Variants in PIEZO2 observed in about 807,000 individuals in gnomAD.
The protein encoded by PIEZO2 is piezo type mechanosensitive ion channel component 2, also known as piezo-type mechanosensitive ion channel component 2.
PIEZO2 carries 172 observed loss-of-function variants against 337.3 expected under a neutral mutation model. The observed-to-expected ratio is 0.51, with a 90% CI of 0.45 to 0.58. PIEZO2 has a LOEUF of 0.58. Ranked by LOEUF, PIEZO2 falls within the 20% of genes least tolerant of loss-of-function variation. The pLI, the probability that PIEZO2 is intolerant of heterozygous loss-of-function variation, is 0.00. For missense variants in PIEZO2, 3,028 were observed against 3,391.3 expected (o/e 0.89, Z 2.66); for synonymous variants, 1,251 against 1,228.5 (o/e 1.02, Z -0.38).
chr18:10,761,624 A>G (rs138806324), intron 23 of PIEZO2, among the ~76,000 whole-genome samples: 1 of 152,220 alleles, frequency 6.6e-6, no homozygotes, highest in African/African-American at 2.4e-5. Context: ...AGATAATGAA[A>G]ATAGTTAACA....
chr18:11,142,565 A>G (rs553316440), intron 1 of PIEZO2, among the ~76,000 whole-genome samples: 30 of 152,014 alleles, frequency 2.0e-4, no homozygotes, highest in African/African-American at 6.8e-4. Context: ...GGATCACTTG[A>G]AGTCAGGAGT....
chr18:10,937,520 C>A (rs545577520), intron 3 of PIEZO2, among the ~76,000 whole-genome samples: 77 of 152,200 alleles, frequency 5.1e-4, no homozygotes, highest in African/African-American at 1.8e-3. Context: ...ATGTTATTTC[C>A]CCTCCGTACA....
chr18:11,022,176 G>A (rs779254011), intron 2 of PIEZO2, among the ~76,000 whole-genome samples: 9 of 152,178 alleles, frequency 5.9e-5, no homozygotes, highest in Non-Finnish European at 1.2e-4. Flanking sequence ...CCTAGAGGCT[G>A]CACCTTCTCA....
intron 1 of PIEZO2, among the ~76,000 whole-genome samples, chr18:11,119,095 A>G (rs1242104849): frequency 6.6e-6 from 1 of 152,142 alleles, no homozygotes; most frequent in African/African-American, 2.4e-5. Context: ...TAAAAAGATA[A>G]TAAGAATAGT....
chr18:10,760,418 C>T (rs1194649685), intron 24 of PIEZO2, among the ~76,000 whole-genome samples: 1 of 152,206 alleles, frequency 6.6e-6, no homozygotes, highest in Non-Finnish European at 1.5e-5. Context: ...AATTCTCCTG[C>T]CTCAGCCTCT....
chr18:11,049,822 C>G (rs1205318579), intron 2 of PIEZO2, among the ~76,000 whole-genome samples: 1 of 152,154 alleles, frequency 6.6e-6, no homozygotes, highest in African/African-American at 2.4e-5. Context: ...ACTGTGAGTC[C>G]ATTAAACCTC....
chr18:10,732,293 G>A (rs1198100817), intron 35 of PIEZO2, among the ~76,000 whole-genome samples: 1 of 152,208 alleles, frequency 6.6e-6, no homozygotes, highest in Non-Finnish European at 1.5e-5. Context: ...AAGCCAAGCA[G>A]GCATGCCTCT....
intron 3 of PIEZO2, among the ~76,000 whole-genome samples, chr18:10,965,126 G>A (rs754475913): frequency 7.2e-5 from 11 of 151,968 alleles, no homozygotes; most frequent in Non-Finnish European, 1.5e-4. Context: ...CAATTCTTTT[G>A]TGTGTGTTTT....
In PIEZO2 at chr18:10,988,693, A is replaced by G. The variant is rs1418360699; in HGVS notation, c.161-9033T>C. ...TGGAAACATCCTAAATGTCCACTGAAGGAATATTGGATAAGGAAATTGTGG... is the reference window on the plus strand; with the variant it reads ...TGGAAACATCCTAAATGTCCACTGAGGGAATATTGGATAAGGAAATTGTGG... On this transcript the variant is annotated intron_variant, in intron 2 of 55. Coordinates refer to ENST00000674853, the MANE Select transcript of PIEZO2 (RefSeq NM_001378183.1). The surrounding 1 kb of genome is among the most constrained non-coding windows in gnomAD (Gnocchi z 4.8). 6.6e-6 allele frequency among the ~76,000 whole-genome samples: 1 copy of G among 152,202 alleles called. No homozygotes were observed. The highest frequency in any genetic ancestry group is 1.5e-5 in the Non-Finnish European group (1 of 68,028).
rs575845504 is a variant in PIEZO2, at chr18:10,677,199, C to A, written c.8081+548G>T. Among the ~76,000 whole-genome samples the A allele has an allele frequency of 6.6e-6, 1 of 152,264 alleles. No individual in the cohort carries two copies. The highest frequency in any genetic ancestry group is 1.9e-4 in the East Asian group (1 of 5,178). On this transcript the variant is annotated intron_variant, in intron 53 of 55. Coordinates refer to ENST00000674853, the MANE Select transcript of PIEZO2 (RefSeq NM_001378183.1). This position sits in a 1 kb window ranked among gnomAD's most constrained non-coding sequence, Gnocchi z 4.1. ...TGTAGCCTGGCACCATACAAACCCTCATTCATTTGTTTTTTATTATTTATT... is the reference window on the plus strand; with the variant it reads ...TGTAGCCTGGCACCATACAAACCCTAATTCATTTGTTTTTTATTATTTATT...
chr18:10,817,748 C>T (rs914245332), intron 7 of PIEZO2, among the ~76,000 whole-genome samples: 1 of 151,860 alleles, frequency 6.6e-6, no homozygotes, highest in Non-Finnish European at 1.5e-5. Flanking sequence ...ACAGTGAAAC[C>T]CAGTCTCTAC....
chr18:11,022,605 G>T (rs1375553407), intron 2 of PIEZO2, among the ~76,000 whole-genome samples: 1 of 152,116 alleles, frequency 6.6e-6, no homozygotes, highest in Non-Finnish European at 1.5e-5. Context: ...CTGGATTAGG[G>T]CTCTATGCTT....
chr18:11,027,231 A>G lies in PIEZO2; in HGVS notation c.160+38896T>C, dbSNP rs1429612769. Among the ~76,000 whole-genome samples, 1 of 152,194 alleles carries G rather than the reference A, an allele frequency of 6.6e-6. No individual in the cohort carries two copies. The highest frequency in any genetic ancestry group is 1.9e-4 in the East Asian group (1 of 5,194). On this transcript the variant is annotated intron_variant, in intron 2 of 55. Transcript: ENST00000674853. The surrounding 1 kb of genome is among the most constrained non-coding windows in gnomAD (Gnocchi z 4.2). ...GTAGAACCTGGAGAGAGGAAAGCAA[A>G]CAGCATTTGTGGAAAAGGAACAGCA...
chr18:10,754,895 G>A (rs1329483141), intron 27 of PIEZO2, among the ~76,000 whole-genome samples: 1 of 152,066 alleles, frequency 6.6e-6, no homozygotes, highest in Admixed American at 6.5e-5. Context: ...GTCTCATCTC[G>A]TTGCTGCAGT....
rs1292813884 is a variant in PIEZO2, at chr18:10,819,863, G to A, written c.918-12589C>T. Among the ~76,000 whole-genome samples, 3 of 152,138 alleles carry A rather than the reference G, an allele frequency of 2.0e-5. No homozygotes were observed. The highest frequency in any genetic ancestry group is 4.4e-5 in the Non-Finnish European group (3 of 68,002). Reference sequence around the variant, plus strand: ...ATTTGTGTAGTGCAGGTCTGCTGGTGCAAAATTCTCTCAGTCTTTCGTATC... The same window carrying A: ...ATTTGTGTAGTGCAGGTCTGCTGGTACAAAATTCTCTCAGTCTTTCGTATC... On this transcript the variant is annotated intron_variant, in intron 7 of 55. Transcript: ENST00000674853. The surrounding 1 kb of genome is among the most constrained non-coding windows in gnomAD (Gnocchi z 4.3).
chr18:10,729,623 C>A (rs370664305), intron 36 of PIEZO2, among the ~76,000 whole-genome samples: 416 of 124,592 alleles, frequency 3.3e-3, no homozygotes, highest in Non-Finnish European at 3.6e-3. Flanking sequence ...GACTCTGTCT[C>A]AAAAAAAAAA....
rs530322189 is a variant in PIEZO2 at position 10,748,410 on chromosome 18, T to C, written c.4424+61A>G. 4.1e-6 allele frequency: 6 copies of C among 1,463,470 alleles called. No homozygotes were observed. Among genetic ancestry groups the C allele is most frequent in the East Asian group, 2.5e-5 (1 of 40,474 alleles). 90.7% of individuals were successfully genotyped at this position (1,463,470 alleles called of 1,614,324 possible). On this transcript the variant is annotated intron_variant, in intron 30 of 55. Coordinates refer to ENST00000674853, the MANE Select transcript of PIEZO2 (RefSeq NM_001378183.1). This position sits in a 1 kb window ranked among gnomAD's most constrained non-coding sequence, Gnocchi z 5.1. ...AAGCAAGCTCAGACAGAAATGATAG[T>C]GCAATATTATTTCAGGCAAGTTTCC...
intron 1 of PIEZO2, among the ~76,000 whole-genome samples, chr18:11,108,254 T>C (rs532067677): frequency 6.6e-6 from 1 of 152,284 alleles, no homozygotes; most frequent in Non-Finnish European, 1.5e-5. Context: ...ACCTGCAGAA[T>C]CTTAGACGGG....
At chr18:10,719,351 C>T (rs1329587210) in intron 36 of PIEZO2, among the ~76,000 whole-genome samples, 1 of 152,088 alleles carries the variant, frequency 6.6e-6, no homozygotes, top group Non-Finnish European at 1.5e-5. Flanking sequence ...TCCCCCTGTC[C>T]CCAACTCTCC....
Sources: gnomAD v4.1 joint callset for allele counts (sites outside exome capture counted in the v4.1 genomes callset) on GRCh38, gnomAD v4.1.1 for gene constraint, Gnocchi (gnomAD v3.1) non-coding constraint, MANE v1.5 for transcripts, NCBI Gene and HGNC (gene_info 2026-07-23, HGNC 2026-07-21) for gene names.